Variants in CR1 observed in about 807,000 individuals in gnomAD.
The protein encoded by CR1 is complement C3b/C4b receptor 1 (Knops blood group).
CR1 carries 116 observed loss-of-function variants against 187.3 expected under a neutral mutation model. The ratio of observed to expected loss-of-function variants is 0.62; its 90% CI spans 0.53 to 0.72. CR1 has a LOEUF of 0.72. CR1 is among the 30% of genes least tolerant of loss of function. The pLI is 0.00. For missense variants in CR1, 1,731 were observed against 2,110.7 expected (o/e 0.82, Z 3.52); for synonymous variants, 576 against 747.1 (o/e 0.77, Z 3.73).
intron 32 of CR1, among the ~76,000 whole-genome samples, chr1:207,583,261 T>G (rs565275641): frequency 6.6e-6 from 1 of 152,324 alleles, no homozygotes; most frequent in South Asian, 2.1e-4. Context: ...TCAAATTCTA[T>G]AGAGAGGTCA....
At chr1:207,638,168 G>GGCCT (rs1382641722) in intron 46 of CR1, among the ~76,000 whole-genome samples, 143 of 152,240 alleles carry the variant, frequency 9.4e-4, no homozygotes, top group African/African-American at 3.2e-3. Flanking sequence ...TTTCAACTAT[G>GGCCT]GCCTGTCTGT....
chr1:207,604,962 A>T (rs1433343078), intron 35 of CR1, among the ~76,000 whole-genome samples: 1 of 152,100 alleles, frequency 6.6e-6, no homozygotes, highest in African/African-American at 2.4e-5. Flanking sequence ...AGTTAATAAT[A>T]ATGTGTATTT....
At chr1:207,498,473 T>A (rs935250598) in intron 1 of CR1, among the ~76,000 whole-genome samples, 1 of 152,146 alleles carries the variant, frequency 6.6e-6, no homozygotes, top group South Asian at 2.1e-4. Context: ...TTAGATTAGC[T>A]GCAAATAGAT....
At chr1:207,506,612 C>A in intron 2 of CR1, 102 bp from the exon 3 acceptor site, 3 of 912,572 alleles carry the variant, frequency 3.3e-6, no homozygotes, top group Non-Finnish European at 5.2e-6. Context: ...ATCAGAACTG[C>A]GTGTGTTCCT....
chr1:207,619,685 TTTACA>T (rs1406863137), intron 42 of CR1, among the ~76,000 whole-genome samples, 190 bp from the exon 43 acceptor site: 2 of 152,176 alleles, frequency 1.3e-5, no homozygotes, highest in African/African-American at 4.8e-5. Flanking sequence ...ATTCTATTAC[TTTACA>T]TTAAGAAATG....
At chr1:207,605,311 A>G (rs1408105895) in intron 35 of CR1, among the ~76,000 whole-genome samples, 3 of 149,910 alleles carry the variant, frequency 2.0e-5, no homozygotes, top group African/African-American at 7.4e-5. Flanking sequence ...AAAAATTGCT[A>G]GAAGAGTAGA....
intron 27 of CR1, among the ~76,000 whole-genome samples, chr1:207,574,859 G>A (rs1220420973): frequency 3.3e-5 from 5 of 152,080 alleles, no homozygotes; most frequent in Non-Finnish European, 4.4e-5. Context: ...CAAATTATTA[G>A]AATAACTAAA....
chr1:207,581,417 G>A (rs1350721509), intron 31 of CR1, among the ~76,000 whole-genome samples: 9 of 149,252 alleles, frequency 6.0e-5, no homozygotes. Flanking sequence ...CATATATATG[G>A]AACATATGTA....
Position 207,639,709 on chromosome 1 carries a change from A to G in CR1, c.*300A>G. On this transcript the variant is annotated 3_prime_UTR_variant, in exon 47 of 47. Coordinates refer to ENST00000367049, the MANE Select transcript of CR1 (RefSeq NM_000651.6). Reference sequence around the variant, plus strand: ...ATAGTTTGGATTACTTAAAGGAATAAGGTGTTGCCTGGAATTTCTGGTTTG... The same window carrying G: ...ATAGTTTGGATTACTTAAAGGAATAGGGTGTTGCCTGGAATTTCTGGTTTG... 3.7e-6 allele frequency: 1 copy of G among 268,198 alleles called. No individual in the cohort carries two copies. Among genetic ancestry groups the G allele is most frequent in the Non-Finnish European group, 7.0e-6 (1 of 143,318 alleles). 16.6% of individuals were successfully genotyped at this position (268,198 alleles called of 1,614,324 possible).
intron 4 of CR1, among the ~76,000 whole-genome samples, chr1:207,518,227 T>C (rs984524380): frequency 5.9e-5 from 9 of 152,220 alleles, no homozygotes; most frequent in African/African-American, 2.2e-4. Flanking sequence ...AGGGCATTGC[T>C]TAATTTCTAA....
chr1:207,594,350 A>G (rs1661366085), intron 35 of CR1, among the ~76,000 whole-genome samples: 1 of 152,166 alleles, frequency 6.6e-6, no homozygotes, highest in Non-Finnish European at 1.5e-5. Context: ...AACTAACACA[A>G]GAACAGAAAA....
At chr1:207,592,421 A>G (rs1370757109) in intron 35 of CR1, among the ~76,000 whole-genome samples, 1 of 152,190 alleles carries the variant, frequency 6.6e-6, no homozygotes, top group Non-Finnish European at 1.5e-5. Context: ...CTCTCAATAA[A>G]CTAGGTATTG....
chr1:207,508,516 A>G (rs1272602927), intron 3 of CR1, among the ~76,000 whole-genome samples: 1 of 152,270 alleles, frequency 6.6e-6, no homozygotes, highest in Admixed American at 6.5e-5. Context: ...GCATATGTGC[A>G]TAAACAGACA....
At chr1:207,584,559 C>T (rs1661052247) in intron 32 of CR1, 90 bp from the exon 33 acceptor site, 6 of 1,457,632 alleles carry the variant, frequency 4.1e-6, no homozygotes, top group Non-Finnish European at 5.6e-6. Flanking sequence ...GCTTAATTGG[C>T]AACACAGTCA....
At chr1:207,504,888 C>T (rs1473270125) in intron 1 of CR1, among the ~76,000 whole-genome samples, 4 of 152,142 alleles carry the variant, frequency 2.6e-5, no homozygotes, top group Non-Finnish European at 5.9e-5. Flanking sequence ...AGGTGAGCAG[C>T]CAAGCATTAC....
intron 23 of CR1, among the ~76,000 whole-genome samples, chr1:207,564,667 G>T (rs1449142975): frequency 6.7e-6 from 1 of 149,940 alleles, no homozygotes; most frequent in Non-Finnish European, 1.5e-5. Context: ...TGGGTTTGGT[G>T]GCATGTGCCT....
chr1:207,610,746 C>CT (rs966687576), intron 37 of CR1, among the ~76,000 whole-genome samples: 5 of 151,852 alleles, frequency 3.3e-5, no homozygotes, highest in Middle Eastern at 3.4e-3. Context: ...AAGTCTGTAG[C>CT]TTTTTTTTCT....
intron 5 of CR1, among the ~76,000 whole-genome samples, chr1:207,525,153 TCAAC>T (rs1483395355): frequency 2.0e-5 from 3 of 151,932 alleles, no homozygotes; most frequent in African/African-American, 4.9e-5. Flanking sequence ...GTGATGGTGC[TCAAC>T]CATAAGAAAC....
intron 31 of CR1, among the ~76,000 whole-genome samples, chr1:207,581,647 T>C (rs1177727143): frequency 6.6e-6 from 1 of 152,120 alleles, no homozygotes; most frequent in Non-Finnish European, 1.5e-5. Flanking sequence ...AAAGAGTAAG[T>C]AGAAATATTC....
Sources: gnomAD v4.1 joint callset for allele counts (sites outside exome capture counted in the v4.1 genomes callset) on GRCh38, gnomAD v4.1.1 for gene constraint, MANE v1.5 for transcripts, NCBI Gene and HGNC (gene_info 2026-07-23, HGNC 2026-07-21) for gene names.